The following AIF1L variants were observed in gnomAD, a reference collection of about 807,000 sequenced individuals.
AIF1L encodes the protein allograft inflammatory factor 1-like.
A neutral mutation model predicts 20.7 loss-of-function variants in AIF1L; 12 were observed. That is an observed-to-expected ratio of 0.58 (90% CI 0.37 to 0.94). The LOEUF (loss-of-function observed/expected upper bound fraction) is 0.94, where lower values mean the gene tolerates loss of function less well. AIF1L is among the 40% of genes least tolerant of loss of function. The pLI is 0.01. For synonymous variants in AIF1L, 76 were observed against 65.1 expected, an observed-to-expected ratio of 1.17 and a Z score of -0.81; for missense variants, 173 against 185.3, an observed-to-expected ratio of 0.93 and a Z score of 0.39.
At chr9:131,100,318 T>C (rs564608026) in intron 2 of AIF1L, among the ~76,000 whole-genome samples, 32 of 152,304 alleles carry the variant, frequency 2.1e-4, no homozygotes, top group African/African-American at 7.2e-4. Context: ...TGCACCTCTT[T>C]TTGGTTTCAC....
chr9:131,098,642 C>G (rs368060105), intron 2 of AIF1L, among the ~76,000 whole-genome samples: 3 of 151,918 alleles, frequency 2.0e-5, no homozygotes, highest in Admixed American at 6.6e-5. Flanking sequence ...GGGGAGGGGG[C>G]GGCTCCAGGG....
Position 131,111,675 on chromosome 9 carries a change from C to G in AIF1L, c.160+12C>G, listed in dbSNP as rs369148520. Reference sequence around the variant, plus strand: ...CACAGCCTTCAAAGGTAAGCTGGGGCGGGCTGCCCTGCATTTATTCCTGGG... The same window carrying G: ...CACAGCCTTCAAAGGTAAGCTGGGGGGGGCTGCCCTGCATTTATTCCTGGG... On this transcript the variant is annotated intron_variant, in intron 3 of 5. Transcript: ENST00000247291. 1 of 1,612,948 alleles carries G rather than the reference C, an allele frequency of 6.2e-7. No homozygotes were observed. The highest frequency in any genetic ancestry group is 8.5e-7 in the Non-Finnish European group (1 of 1,179,240).
At chr9:131,119,498 T>C (rs1368336842) in intron 5 of AIF1L, among the ~76,000 whole-genome samples, 1 of 90,778 alleles carries the variant, frequency 1.1e-5, no homozygotes, top group Non-Finnish European at 2.3e-5. Context: ...CAAAACTCTG[T>C]CTCAAAAGAA....
intron 5 of AIF1L, among the ~76,000 whole-genome samples, chr9:131,119,655 A>T (rs1831094054): frequency 6.6e-6 from 1 of 152,214 alleles, no homozygotes; most frequent in Non-Finnish European, 1.5e-5. Context: ...TACCTGGCCC[A>T]TGAGCCCACG....
chr9:131,114,409 G>A (rs963518947), intron 3 of AIF1L, 168 bp from the exon 4 acceptor site: 4 of 694,634 alleles, frequency 5.8e-6, no homozygotes, highest in Non-Finnish European at 1.0e-5. Context: ...TCTTTCCCCA[G>A]AGGCCATGGC....
At chr9:131,116,013 CA>C (rs113613868) in intron 4 of AIF1L, among the ~76,000 whole-genome samples, 6,738 of 150,384 alleles carry the variant, frequency 0.045, 488 homozygotes, top group African/African-American at 0.16. Context: ...CAAATAAACA[CA>C]TTTTCATCAT....
At chr9:131,099,466 C>T (rs1389971250) in intron 2 of AIF1L, among the ~76,000 whole-genome samples, 3 of 152,246 alleles carry the variant, frequency 2.0e-5, no homozygotes, top group Non-Finnish European at 2.9e-5. Flanking sequence ...GCTGGCAGCC[C>T]GGACTGCCTT....
chr9:131,117,721 A>G (rs1198776854), intron 4 of AIF1L, 35 bp from the exon 5 acceptor site: 1 of 1,560,182 alleles, frequency 6.4e-7, no homozygotes, highest in African/African-American at 1.4e-5. Context: ...CCAGCAGCCC[A>G]TCTCCACTTA....
intron 5 of AIF1L, among the ~76,000 whole-genome samples, chr9:131,118,349 T>C (rs1239464762): frequency 6.6e-6 from 1 of 152,056 alleles, no homozygotes; most frequent in Non-Finnish European, 1.5e-5. Flanking sequence ...CTCCTCAGCC[T>C]CCCAAAATGT....
chr9:131,119,588 G>A (rs188462255), intron 5 of AIF1L, among the ~76,000 whole-genome samples: 2 of 151,880 alleles, frequency 1.3e-5, no homozygotes, highest in Non-Finnish European at 2.9e-5. Context: ...AAGTACGAAT[G>A]TAAAATATAC....
intron 2 of AIF1L, among the ~76,000 whole-genome samples, chr9:131,110,718 G>A (rs1830858709): frequency 6.6e-6 from 1 of 151,506 alleles, no homozygotes; most frequent in South Asian, 2.1e-4. Context: ...GGCCAGGCTG[G>A]TCTCGAGCCC....
rs571022893 is a variant in AIF1L, at chr9:131,116,404, C to T, written c.203-1352C>T. On this transcript the variant is annotated intron_variant, in intron 4 of 5. Coordinates refer to ENST00000247291, the MANE Select transcript of AIF1L (RefSeq NM_031426.4). Reference sequence around the variant, plus strand: ...TCAGCCTCCCAAGTAGCTGAGATTACAGGCACGCACCACCACGCCCGGCTA... The same window carrying T: ...TCAGCCTCCCAAGTAGCTGAGATTATAGGCACGCACCACCACGCCCGGCTA... Among the ~76,000 whole-genome samples the T allele has an allele frequency of 3.5e-4, 54 of 152,250 alleles. 1 individual carries two copies. Among genetic ancestry groups the T allele is most frequent in the South Asian group, 1.2e-3 (6 of 4,826 alleles).
Position 131,096,572 on chromosome 9 carries a change from C to A in AIF1L, c.-58C>A, listed in dbSNP as rs1338959240. 8 of 1,481,494 alleles carry A rather than the reference C, an allele frequency of 5.4e-6. No homozygotes were observed. Among genetic ancestry groups the A allele is most frequent in the Non-Finnish European group, 6.2e-6 (7 of 1,124,302 alleles). 91.8% of individuals were successfully genotyped at this position (1,481,494 alleles called of 1,614,324 possible). ...AGCCCGGACCAGGCGCCTGTGCCTC[C>A]TCCTCGTCCCTCGCCGCGTCCGCGA... On this transcript the variant is annotated 5_prime_UTR_variant, in exon 1 of 6. Coordinates refer to ENST00000247291, the MANE Select transcript of AIF1L (RefSeq NM_031426.4).
intron 2 of AIF1L, among the ~76,000 whole-genome samples, chr9:131,109,201 TGAA>T: frequency 2.1e-4 from 1 of 4,740 alleles, no homozygotes; most frequent in Non-Finnish European, 1.9e-3. Context: ...AATGAGTGAA[TGAA>T]TGAATGAATG....
intron 2 of AIF1L, among the ~76,000 whole-genome samples, chr9:131,110,507 T>TC (rs1243503419): frequency 1.2e-5 from 1 of 86,590 alleles, no homozygotes; most frequent in Non-Finnish European, 2.3e-5. Context: ...TTTCTTTTCT[T>TC]TTTTTTTTTT....
chr9:131,101,115 C>G (rs1452307290), intron 2 of AIF1L, among the ~76,000 whole-genome samples: 2 of 151,958 alleles, frequency 1.3e-5, no homozygotes, highest in East Asian at 3.9e-4. Flanking sequence ...TCAGGCTGGT[C>G]TCAAACCCCT....
intron 5 of AIF1L, among the ~76,000 whole-genome samples, chr9:131,119,398 G>C (rs148395330): frequency 6.6e-6 from 1 of 152,222 alleles, no homozygotes; most frequent in Non-Finnish European, 1.5e-5. Context: ...CTACTCGGGA[G>C]GCTGAGGCAG....
chr9:131,103,087 G>C, intron 2 of AIF1L: 1 of 438,350 alleles, frequency 2.3e-6, no homozygotes, highest in South Asian at 1.6e-5. Context: ...TGATGGGTTT[G>C]GAAACAGCCC....
chr9:131,110,191 G>A (rs1422745511), intron 2 of AIF1L, among the ~76,000 whole-genome samples: 1 of 152,180 alleles, frequency 6.6e-6, no homozygotes, highest in East Asian at 1.9e-4. Flanking sequence ...CAGCCTGGAT[G>A]ACAGAGCAAG....
Sources: gnomAD v4.1 joint callset for allele counts (sites outside exome capture counted in the v4.1 genomes callset) on GRCh38, gnomAD v4.1.1 for gene constraint, MANE v1.5 for transcripts, NCBI Gene and HGNC (gene_info 2026-07-23, HGNC 2026-07-21) for gene names.